Variants in ABCB10 observed in about 807,000 individuals in gnomAD.
ABCB10 encodes ATP binding cassette subfamily B member 10.
In ABCB10, 54 loss-of-function variants were observed where a neutral mutation model predicts 65.4. The ratio of observed to expected loss-of-function variants is 0.83; its 90% CI spans 0.66 to 1.04. The LOEUF (loss-of-function observed/expected upper bound fraction) is 1.04. Among genes scored for constraint, ABCB10 ranks in the 50% least tolerant of loss-of-function variants. The pLI, the probability that ABCB10 is intolerant of heterozygous loss-of-function variation, is 0.00. For missense variants in ABCB10, 846 were observed against 976.6 expected, an observed-to-expected ratio of 0.87 and a Z score of 1.78; for synonymous variants, 418 against 406.5, an observed-to-expected ratio of 1.03 and a Z score of -0.34.
intron 1 of ABCB10, among the ~76,000 whole-genome samples, chr1:229,551,411 T>C (rs2102709753): frequency 6.6e-6 from 1 of 152,364 alleles, no homozygotes; most frequent in Admixed American, 6.5e-5. Context: ...AAGATTTTGG[T>C]CTGCTTTGTC....
intron 6 of ABCB10, chr1:229,531,944 A>C: frequency 3.3e-6 from 1 of 302,060 alleles, no homozygotes; most frequent in Non-Finnish European, 6.0e-6. Flanking sequence ...CTCCAGTTTC[A>C]TAGTTTTTTT....
At chr1:229,543,365 G>A (rs1298061449) in intron 3 of ABCB10, among the ~76,000 whole-genome samples, 1 of 152,132 alleles carries the variant, frequency 6.6e-6, no homozygotes, top group East Asian at 1.9e-4. Flanking sequence ...ATTGCAATTT[G>A]GTGATTGTAC....
chr1:229,531,146 G>A (rs1041207169), intron 7 of ABCB10, among the ~76,000 whole-genome samples: 23 of 152,190 alleles, frequency 1.5e-4, no homozygotes, highest in Admixed American at 1.5e-3. Flanking sequence ...GGAAGTCACT[G>A]ATAAGGAAGG....
chr1:229,530,692 T>C (rs1662563249), intron 7 of ABCB10, among the ~76,000 whole-genome samples: 1 of 152,230 alleles, frequency 6.6e-6, no homozygotes. Context: ...GATGAGGACA[T>C]TGAAGACCAC....
At chr1:229,557,653 G>T (rs1440332087) in intron 1 of ABCB10, among the ~76,000 whole-genome samples, 1 of 152,110 alleles carries the variant, frequency 6.6e-6, no homozygotes, top group Non-Finnish European at 1.5e-5. Flanking sequence ...AGACAAGTCT[G>T]AAAGTTTTGC....
In ABCB10 at chr1:229,554,139, C is replaced by T. The variant is rs142787174; in HGVS notation, c.517+3997G>A. On this transcript the variant is annotated intron_variant, in intron 1 of 12. Coordinates refer to ENST00000344517, the MANE Select transcript of ABCB10 (RefSeq NM_012089.3). ...TGCTGGAGTCTGGGACACATTTCCA[C>T]GGATGCAGGTGGGTGTGATGGAGAA... Among the ~76,000 whole-genome samples the T allele has an allele frequency of 1.0e-3, 158 of 152,204 alleles. 1 individual carries two copies. The highest frequency in any genetic ancestry group is 1.8e-3 in the Admixed American group (27 of 15,296).
At chr1:229,552,912 CAAGCAGAGGAAGAGG>C (rs1663150792) in intron 1 of ABCB10, among the ~76,000 whole-genome samples, 1 of 152,134 alleles carries the variant, frequency 6.6e-6, no homozygotes, top group African/African-American at 2.4e-5. Context: ...TCCCACATCC[CAAGCAGAGGAAGAGG>C]AAGCACAGGC....
At chr1:229,528,114 G>A (rs1050786602) in intron 8 of ABCB10, among the ~76,000 whole-genome samples, 2 of 152,178 alleles carry the variant, frequency 1.3e-5, no homozygotes, top group African/African-American at 4.8e-5. Flanking sequence ...CTCAGTTAAT[G>A]TTGTGGAATT....
At position 229,540,382 on chromosome 1, in the gene ABCB10, G is replaced by T. The variant is rs12121878; in HGVS notation, c.1203+224C>A. 7.8e-3 allele frequency among the ~76,000 whole-genome samples: 1,184 copies of T among 152,330 alleles called. 5 individuals carry two copies. Among genetic ancestry groups the T allele is most frequent in the Middle Eastern group, 0.024 (7 of 294 alleles). The stretch of plus-strand genomic sequence containing the variant: ...ATGCCGCTGGCCTGCACCGCACAAA[G>T]AATCAGTGCCCGATCACACCATGCA... On this transcript the variant is annotated intron_variant, in intron 5 of 12. Transcript: ENST00000344517.
intron 2 of ABCB10, 81 bp downstream of exon 2, chr1:229,549,153 T>G: frequency 5.9e-5 from 86 of 1,460,154 alleles, no homozygotes; most frequent in East Asian, 9.1e-5. Flanking sequence ...CTGGAGCACA[T>G]GAGATTTGAG....
intron 1 of ABCB10, 52 bp downstream of exon 1, chr1:229,558,084 C>CGGG (rs1413585878): frequency 1.5e-6 from 2 of 1,298,452 alleles, no homozygotes; most frequent in African/African-American, 3.1e-5. Flanking sequence ...CGGGACCCCG[C>CGGG]GTGTGGAGAA....
intron 1 of ABCB10, among the ~76,000 whole-genome samples, chr1:229,551,726 A>G (rs1427632084): frequency 2.0e-5 from 3 of 152,242 alleles, no homozygotes; most frequent in Non-Finnish European, 4.4e-5. Context: ...AAGGGGCTTG[A>G]AGGCCCAAAG....
rs763750340 is a variant in ABCB10 at position 229,544,844 on chromosome 1, T to A, written c.922-2473A>T. On this transcript the variant is annotated intron_variant, in intron 3 of 12. Transcript: ENST00000344517. The stretch of plus-strand genomic sequence containing the variant: ...ACTCTCTCTCCACTATGTGAGCACA[T>A]GGCAAGATGGCAGCTGCCTACCAGC... 2.6e-5 allele frequency among the ~76,000 whole-genome samples: 4 copies of A among 152,298 alleles called. No individual in the cohort carries two copies. In the South Asian group the frequency reaches 8.3e-4, roughly 32 times the overall value.
At chr1:229,535,083 A>G (rs879266108) in intron 6 of ABCB10, 1 of 147,766 alleles carries the variant, frequency 6.8e-6, no homozygotes, top group Non-Finnish European at 1.5e-5. Flanking sequence ...GCCAATGCTG[A>G]CTACATTGCA....
intron 1 of ABCB10, among the ~76,000 whole-genome samples, chr1:229,551,896 G>GA (rs1663126243): frequency 6.6e-6 from 1 of 152,228 alleles, no homozygotes; most frequent in Middle Eastern, 3.4e-3. Context: ...GAATAATTCC[G>GA]AAAGCACAGT....
At position 229,521,608 on chromosome 1, in the gene ABCB10, GCAATCGCAATCCGCTGTTTCTGCCCACCT is replaced by G; in HGVS notation, c.1907-2_1933del. ...CAGGCTTACCTTTAGCAGAGCACGG[GCAATCGCAATCCGCTGTTTCTGCCCACCT>G]GACAAAGACAACATTTAAAAAAAGA... is the stretch of plus-strand genomic sequence containing the variant. On this transcript the variant is annotated splice_acceptor_variant and coding_sequence_variant, in exon 11 of 13. Transcript: ENST00000344517. LOFTEE classifies it high-confidence loss of function. The G allele has an allele frequency of 6.2e-7, 1 of 1,612,166 alleles. No individual in the cohort carries two copies. The highest frequency in any genetic ancestry group is 8.5e-7 in the Non-Finnish European group (1 of 1,179,070).
intron 10 of ABCB10, among the ~76,000 whole-genome samples, chr1:229,525,479 A>G (rs1457544405): frequency 1.3e-5 from 2 of 152,210 alleles, no homozygotes; most frequent in Non-Finnish European, 1.5e-5. Context: ...CATATAAGAG[A>G]GCAAGTGGTA....
At chr1:229,521,541 T>C (rs780641738) in intron 11 of ABCB10, 51 bp downstream of exon 11, 2 of 1,526,088 alleles carry the variant, frequency 1.3e-6, no homozygotes, top group South Asian at 2.5e-5. Context: ...ACAAGGTCCC[T>C]AATAAAAATA....
At chr1:229,524,132 C>A (rs1386214327) in intron 10 of ABCB10, among the ~76,000 whole-genome samples, 1 of 151,892 alleles carries the variant, frequency 6.6e-6, no homozygotes, top group African/African-American at 2.4e-5. Flanking sequence ...AAGAGGCAAC[C>A]ACCCTCTGCT....
Sources: allele counts gnomAD v4.1 joint callset (sites outside exome capture counted in the v4.1 genomes callset), GRCh38; gene constraint gnomAD v4.1.1; transcripts MANE v1.5; gene names NCBI Gene and HGNC (gene_info 2026-07-23, HGNC 2026-07-21).